Variants in PAMR1 observed in about 807,000 individuals in gnomAD.
The protein encoded by PAMR1 is inactive serine protease PAMR1.
Under a neutral mutation model 81.8 loss-of-function variants are expected in PAMR1, and 88 were observed. The observed-to-expected ratio is 1.08, with a 90% CI of 0.91 to 1.28. The LOEUF is 1.28. Among genes scored for constraint, PAMR1 ranks in the 50% most tolerant of loss-of-function variants. PAMR1 has a pLI of 0.00. For missense variants in PAMR1, 935 were observed against 919.7 expected, an observed-to-expected ratio of 1.02 and a Z score of -0.21; for synonymous variants, 336 against 345.3, an observed-to-expected ratio of 0.97 and a Z score of 0.30.
intron 7 of PAMR1, 79 bp from the exon 8 acceptor site, chr11:35,439,772 A>G (rs1856126678): frequency 8.0e-7 from 1 of 1,251,974 alleles, no homozygotes; most frequent in Middle Eastern, 1.9e-4. Flanking sequence ...TTCATACCTG[A>G]CCCCCACTTC....
intron 6 of PAMR1, among the ~76,000 whole-genome samples, chr11:35,454,225 A>C (rs146036526): frequency 0.011 from 1,662 of 152,316 alleles, 16 homozygotes; most frequent in Middle Eastern, 0.037. Flanking sequence ...GAGAACCGGC[A>C]CTTACAACCT....
intron 3 of PAMR1, among the ~76,000 whole-genome samples, chr11:35,478,829 T>C (rs1254557123): frequency 6.6e-6 from 1 of 151,650 alleles, no homozygotes; most frequent in Non-Finnish European, 1.5e-5. Context: ...GGTATAGGTG[T>C]GTGGGCGTGT....
chr11:35,484,130 T>TG (rs1850453961), intron 3 of PAMR1, among the ~76,000 whole-genome samples: 1 of 152,224 alleles, frequency 6.6e-6, no homozygotes. Context: ...CACCATTTAT[T>TG]GAGCACTTAC....
upstream of PAMR1, among the ~76,000 whole-genome samples, chr11:35,527,540 G>T (rs1310438272): frequency 4.6e-5 from 7 of 152,118 alleles, no homozygotes; most frequent in East Asian, 1.3e-3. Flanking sequence ...GAATACCAGA[G>T]GGCAGCATAT....
intron 1 of PAMR1, among the ~76,000 whole-genome samples, chr11:35,508,666 C>G (rs1851018681): frequency 6.6e-6 from 1 of 151,664 alleles, no homozygotes; most frequent in African/African-American, 2.4e-5. Context: ...TAAGAGATAT[C>G]TTTTTATGCT....
At chr11:35,458,553 G>A (rs1422172154) in intron 6 of PAMR1, among the ~76,000 whole-genome samples, 1 of 152,170 alleles carries the variant, frequency 6.6e-6, no homozygotes, top group Admixed American at 6.5e-5. Context: ...GGGTTTTGGA[G>A]CTATAAGATT....
At chr11:35,504,607 G>A (rs1451537815) in intron 1 of PAMR1, among the ~76,000 whole-genome samples, 1 of 151,962 alleles carries the variant, frequency 6.6e-6, no homozygotes, top group Non-Finnish European at 1.5e-5. Flanking sequence ...GTTCAACCTT[G>A]GTAGGTTGCA....
At chr11:35,481,179 T>C (rs551437071) in intron 3 of PAMR1, among the ~76,000 whole-genome samples, 19 of 152,344 alleles carry the variant, frequency 1.2e-4, no homozygotes, top group East Asian at 7.7e-4. Flanking sequence ...TGTGCATATG[T>C]CTCTATAGTA....
intron 1 of PAMR1, among the ~76,000 whole-genome samples, chr11:35,515,479 C>T (rs946577534): frequency 3.3e-5 from 5 of 152,200 alleles, no homozygotes; most frequent in Non-Finnish European, 7.3e-5. Flanking sequence ...TAGTTACCTC[C>T]CCCAGCTCTG....
chr11:35,482,595 G>A (rs902842461), intron 3 of PAMR1, among the ~76,000 whole-genome samples: 1 of 152,108 alleles, frequency 6.6e-6, no homozygotes, highest in African/African-American at 2.4e-5. Flanking sequence ...TAGTTTGATG[G>A]GAATAACACT....
intron 3 of PAMR1, among the ~76,000 whole-genome samples, chr11:35,485,877 G>A (rs1163792151): frequency 6.6e-6 from 1 of 152,220 alleles, no homozygotes; most frequent in Non-Finnish European, 1.5e-5. Flanking sequence ...AGGATCGCTT[G>A]GGCGCCATCT....
chr11:35,449,445 AC>A (rs1856366035), intron 6 of PAMR1, among the ~76,000 whole-genome samples: 2 of 152,302 alleles, frequency 1.3e-5, no homozygotes, highest in African/African-American at 4.8e-5. Flanking sequence ...GGGAGGTGCC[AC>A]CCAGTGAGGA....
At chr11:35,449,511 T>A (rs1856367259) in intron 6 of PAMR1, among the ~76,000 whole-genome samples, 1 of 152,186 alleles carries the variant, frequency 6.6e-6, no homozygotes, top group Admixed American at 6.5e-5. Context: ...CTGCCACAGC[T>A]ACTGTGCTGC....
At chr11:35,443,587 C>T (rs548632454) in intron 6 of PAMR1, among the ~76,000 whole-genome samples, 1 of 152,310 alleles carries the variant, frequency 6.6e-6, no homozygotes, top group Non-Finnish European at 1.5e-5. Flanking sequence ...TCATGTACCA[C>T]ATTTTCTTTA....
intron 1 of PAMR1, among the ~76,000 whole-genome samples, chr11:35,501,128 TTTTTC>T (rs1370852720): frequency 7.6e-6 from 1 of 130,824 alleles, no homozygotes; most frequent in East Asian, 2.8e-4. Flanking sequence ...ATAACCTTTT[TTTTTC>T]TTTTTTTTTT....
chr11:35,523,628 C>T (rs1262904214), intron 1 of PAMR1, among the ~76,000 whole-genome samples: 8 of 152,224 alleles, frequency 5.3e-5, no homozygotes, highest in Non-Finnish European at 1.0e-4. Context: ...AGAGGAAATA[C>T]GCTTCCAAGC....
At chr11:35,509,007 A>C (rs1437033636) in intron 1 of PAMR1, among the ~76,000 whole-genome samples, 1 of 152,180 alleles carries the variant, frequency 6.6e-6, no homozygotes. Context: ...CCTCTATTAA[A>C]AAATTATGAG....
intron 3 of PAMR1, among the ~76,000 whole-genome samples, chr11:35,489,335 A>G (rs1274541342): frequency 6.6e-6 from 1 of 152,216 alleles, no homozygotes; most frequent in Non-Finnish European, 1.5e-5. Flanking sequence ...CAAACTAAGA[A>G]TTTGAAAGGC....
Position 35,441,536 on chromosome 11 carries a change from T to A in PAMR1, c.978A>T (p.Lys326Asn). 2 of 1,613,888 alleles carry A rather than the reference T, an allele frequency of 1.2e-6. No individual in the cohort carries two copies. The highest frequency in any genetic ancestry group is 1.7e-6 in the Non-Finnish European group (2 of 1,179,940). The change falls in exon 7 of 11, where the codon AAA (lysine) becomes AAT (asparagine). Residue 326 changes from lysine to asparagine, a missense_variant. Lys to Asn is a moderately conservative substitution (Grantham distance 94). Coordinates refer to ENST00000619888, the MANE Select transcript of PAMR1 (RefSeq NM_001001991.3). ...ACTCTCCATTCTGCTGGCAAGTTCT[T>A]TTCTCATTGCCACTAAGAACATAGG... ...NNSYVLSGNE[K>N]RTCQQNGEWS...
Sources: gnomAD v4.1 joint callset for allele counts (sites outside exome capture counted in the v4.1 genomes callset) on GRCh38, gnomAD v4.1.1 for gene constraint, MANE v1.5 for transcripts, NCBI Gene and HGNC (gene_info 2026-07-23, HGNC 2026-07-21) for gene names.